The following RBM6 variants were observed in gnomAD, a reference collection of about 807,000 sequenced individuals.
RBM6 encodes the protein RNA-binding protein 6.
RBM6 carries 23 observed loss-of-function variants against 140.4 expected under a neutral mutation model. The ratio of observed to expected loss-of-function variants is 0.16; its 90% CI spans 0.12 to 0.23. RBM6 has a LOEUF of 0.23. RBM6 is among the 10% of genes least tolerant of loss of function. The pLI is 1.00. For missense variants in RBM6, 1,139 were observed against 1,386.7 expected (o/e 0.82, Z 2.84); for synonymous variants, 439 against 475.6 (o/e 0.92, Z 1.00).
At position 49,968,821 on chromosome 3, in the gene RBM6, C is replaced by T; in HGVS notation, c.1323+73C>T. ...TTTGAGACGGAGTCTCGCTCTGTTGCCCAGCCTGGAGTGCAGTGGTGCGAT... is the reference window on the plus strand; with the variant it reads ...TTTGAGACGGAGTCTCGCTCTGTTGTCCAGCCTGGAGTGCAGTGGTGCGAT... On this transcript the variant is annotated intron_variant, in intron 3 of 20. Transcript: ENST00000266022. The T allele has an allele frequency of 3.5e-6, 5 of 1,424,236 alleles. No homozygotes were observed. In the South Asian group the frequency reaches 4.5e-5, roughly 13 times the overall value. 88.2% of individuals were successfully genotyped at this position (1,424,236 alleles called of 1,614,324 possible).
intron 6 of RBM6, among the ~76,000 whole-genome samples, chr3:50,021,814 A>G (rs1452875376): frequency 1.8e-5 from 2 of 114,218 alleles, no homozygotes; most frequent in African/African-American, 6.8e-5. Flanking sequence ...GTGTGGCGGC[A>G]CGATCTTGGC....
At chr3:50,068,339 T>G (rs1036398994) in intron 17 of RBM6, among the ~76,000 whole-genome samples, 1 of 152,088 alleles carries the variant, frequency 6.6e-6, no homozygotes, top group African/African-American at 2.4e-5. Context: ...GCTGAAAGAG[T>G]GACTCATGTC....
chr3:49,981,804 C>T (rs912808483), intron 5 of RBM6: 3 of 152,158 alleles, frequency 2.0e-5, no homozygotes, highest in Non-Finnish European at 2.9e-5. Flanking sequence ...GTTTCTGTGA[C>T]ATATGAATGC....
chr3:49,958,270 A>T (rs373369876), intron 1 of RBM6, among the ~76,000 whole-genome samples: 1 of 146,674 alleles, frequency 6.8e-6, no homozygotes, highest in Non-Finnish European at 1.5e-5. Context: ...CTAAAAACAC[A>T]AAAGGCCGGG....
At chr3:50,021,881 G>T (rs2087509490) in intron 6 of RBM6, among the ~76,000 whole-genome samples, 1 of 148,460 alleles carries the variant, frequency 6.7e-6, no homozygotes, top group African/African-American at 2.5e-5. Flanking sequence ...AGCCGGGTGA[G>T]ATTTCCTCTT....
chr3:49,989,047 A>ATT (rs377540139), intron 5 of RBM6, among the ~76,000 whole-genome samples: 1 of 150,522 alleles, frequency 6.6e-6, no homozygotes, highest in African/African-American at 2.4e-5. Flanking sequence ...AGATAATGTC[A>ATT]TTTTTTTTTT....
intron 6 of RBM6, among the ~76,000 whole-genome samples, chr3:50,002,553 T>C (rs2086389290): frequency 6.6e-6 from 1 of 151,902 alleles, no homozygotes; most frequent in Admixed American, 6.6e-5. Flanking sequence ...TGAGCCACCA[T>C]GTCCTGCCAA....
chr3:50,048,249 C>T lies in RBM6; in HGVS notation c.1562C>T (p.Thr521Ile). The part of the protein sequence containing the change: ...AIGCMEANQG[T>I]LMIQDKEVTL... ...CTTCTGTCTTTGTCTTTACAGGGAA[C>T]TCTAATGATCCAGGACAAAGAAGTT... The change falls in exon 7 of 21, where the codon ACT becomes ATT. Residue 521 changes from threonine (T) to isoleucine (I), a missense_variant. Thr to Ile is a moderately conservative substitution (Grantham distance 89). This residue lies in a region of RBM6 where 58 missense variants were observed against 99.7 expected (regional missense o/e 0.58). Transcript: ENST00000266022. 2 of 1,613,006 alleles carry T rather than the reference C, an allele frequency of 1.2e-6. No homozygotes were observed. Among genetic ancestry groups the T allele is most frequent in the South Asian group, 1.1e-5 (1 of 90,760 alleles).
At chr3:50,046,877 T>C (rs927178321) in intron 6 of RBM6, among the ~76,000 whole-genome samples, 4 of 152,238 alleles carry the variant, frequency 2.6e-5, no homozygotes, top group Non-Finnish European at 5.9e-5. Context: ...ACCCCACCTC[T>C]GTGAACATAG....
intron 1 of RBM6, among the ~76,000 whole-genome samples, chr3:49,959,490 C>G (rs1322378151): frequency 6.6e-6 from 1 of 151,346 alleles, no homozygotes; most frequent in African/African-American, 2.4e-5. Flanking sequence ...TGAGCCGCCT[C>G]GCCCGGCCAA....
At position 50,068,690 on chromosome 3, in the gene RBM6, C is replaced by T; in HGVS notation, c.2944C>T (p.Gln982Ter). 1 of 1,614,052 alleles carries T rather than the reference C, an allele frequency of 6.2e-7. No individual in the cohort carries two copies. The change falls in exon 18 of 21, where the codon CAA becomes TAA. Residue 982 changes from glutamine (Q) to a stop codon, truncating the protein, a stop_gained and splice_region_variant. Transcript: ENST00000266022. LOFTEE classifies it high-confidence loss of function. ...CTCATAGAATTGCCTCTCTTCTCAGCAAAACCTGGAAATCCACCGGAAGAT... is the reference window on the plus strand; with the variant it reads ...CTCATAGAATTGCCTCTCTTCTCAGTAAAACCTGGAAATCCACCGGAAGAT... The part of the protein sequence containing the change: ...KHQQLSDLHK[Q>*]NLEIHRKIKQ...
At chr3:49,994,669 G>GTGTGTGT (rs3223538) in intron 5 of RBM6, among the ~76,000 whole-genome samples, 3 of 148,162 alleles carry the variant, frequency 2.0e-5, no homozygotes, top group Non-Finnish European at 4.5e-5. Flanking sequence ...AAGGCTGTGG[G>GTGTGTGT]GTGTGTGTGT....
chr3:50,011,839 CTT>C (rs201167549), intron 6 of RBM6, among the ~76,000 whole-genome samples: 4 of 143,726 alleles, frequency 2.8e-5, no homozygotes, highest in African/African-American at 5.1e-5. Flanking sequence ...TCTTTTCTTT[CTT>C]TTTTTTTTTT....
chr3:49,999,643 C>T, intron 6 of RBM6, 130 bp downstream of exon 6: 1 of 779,322 alleles, frequency 1.3e-6, no homozygotes, highest in Non-Finnish European at 2.1e-6. Flanking sequence ...GTATTCCAAC[C>T]ATCGGTTGTG....
chr3:49,967,972 T>G lies in RBM6; in HGVS notation c.547T>G (p.Leu183Val), dbSNP rs763922132. ...SDFRGRGTYD[L>V]DFRGRDGSHA... ...CTTCAGGGGCCGGGGCACTTATGAT[T>G]TAGATTTTAGAGGCCGGGATGGATC... Residue 183 changes from leucine to valine, a missense_variant, in exon 3 of 21, where the codon TTA becomes GTA. Around this residue, in one of 9 missense-constraint regions of RBM6, gnomAD observed 566 missense variants for 612.7 expected, o/e 0.92. Coordinates refer to ENST00000266022, the MANE Select transcript of RBM6 (RefSeq NM_005777.3). The surrounding 1 kb of genome is among the most constrained non-coding windows in gnomAD (Gnocchi z 4.0). 12 of 1,614,036 alleles carry G rather than the reference T, an allele frequency of 7.4e-6. No homozygotes were observed. The highest frequency in any genetic ancestry group is 9.3e-6 in the Non-Finnish European group (11 of 1,179,996).
intron 6 of RBM6, chr3:50,047,167 A>C (rs1190907987): frequency 1.0e-6 from 1 of 984,594 alleles, no homozygotes; most frequent in Non-Finnish European, 1.2e-6. Flanking sequence ...CAGAGAGGTA[A>C]AGCATTATTT....
chr3:50,019,754 T>C (rs2087380624), intron 6 of RBM6, among the ~76,000 whole-genome samples: 1 of 152,162 alleles, frequency 6.6e-6, no homozygotes, highest in Non-Finnish European at 1.5e-5. Flanking sequence ...GCTATAGGTT[T>C]ATCAAGTTGA....
intron 1 of RBM6, among the ~76,000 whole-genome samples, chr3:49,950,875 G>A (rs187483005): frequency 6.6e-6 from 1 of 152,152 alleles, no homozygotes; most frequent in Non-Finnish European, 1.5e-5. Context: ...GAAAAACAGA[G>A]TCTCGATGAG....
intron 6 of RBM6, among the ~76,000 whole-genome samples, chr3:50,011,595 T>A (rs928906180): frequency 2.6e-5 from 4 of 152,162 alleles, no homozygotes; most frequent in African/African-American, 9.7e-5. Flanking sequence ...ATGTGTGCTC[T>A]CCACATATGT....
Sources: allele counts gnomAD v4.1 joint callset (sites outside exome capture counted in the v4.1 genomes callset), GRCh38; gene constraint gnomAD v4.1.1; regional missense constraint gnomAD v4.1.1; non-coding constraint Gnocchi (gnomAD v3.1); transcripts MANE v1.5; gene names NCBI Gene and HGNC (gene_info 2026-07-23, HGNC 2026-07-21).